RANBP2: variants seen among roughly 807,000 people sequenced by gnomAD.
RANBP2 encodes the protein RAN binding protein 2.
In RANBP2, 57 loss-of-function variants were observed where a neutral mutation model predicts 303.6. The observed-to-expected ratio is 0.19, with a 90% CI of 0.15 to 0.23. RANBP2 has a LOEUF of 0.23. Among genes scored for constraint, RANBP2 ranks in the 10% least tolerant of loss-of-function variants. The probability of loss-of-function intolerance (pLI) is 1.00; values close to 1 mark genes in which losing one functional copy is unlikely to be tolerated. For missense variants in RANBP2, 3,138 were observed against 3,780.8 expected (o/e 0.83, Z 4.46); for synonymous variants, 1,167 against 1,301.5 (o/e 0.90, Z 2.23).
At chr2:109,286,943 C>G in the RANBP2 span, among the ~76,000 whole-genome samples, 1 of 152,126 alleles carries the variant, frequency 6.6e-6, no homozygotes, top group Non-Finnish European at 1.5e-5. Flanking sequence ...ATTTGTGGAC[C>G]CTGCCCAGGT....
chr2:108,724,462 T>C (rs1362621850), intron 1 of RANBP2, among the ~76,000 whole-genome samples: 1 of 151,116 alleles, frequency 6.6e-6, no homozygotes, highest in Admixed American at 6.6e-5. Context: ...TTTGAAATAA[T>C]TTTTTTTTCG....
At chr2:108,842,975 C>T in the RANBP2 span, among the ~76,000 whole-genome samples, 1 of 152,120 alleles carries the variant, frequency 6.6e-6, no homozygotes, top group Non-Finnish European at 1.5e-5. Flanking sequence ...GAGAATGTTA[C>T]CATTTTTGCT....
the RANBP2 span, among the ~76,000 whole-genome samples, chr2:108,841,599 T>G: frequency 6.6e-6 from 1 of 152,190 alleles, no homozygotes; most frequent in African/African-American, 2.4e-5. Flanking sequence ...AATATATCTT[T>G]TCCCAGTCTT....
the RANBP2 span, among the ~76,000 whole-genome samples, chr2:109,527,036 T>C: frequency 7.2e-5 from 11 of 152,206 alleles, no homozygotes; most frequent in African/African-American, 2.7e-4. Context: ...GCTTGACCAA[T>C]TAAATGTCTT....
At chr2:108,772,113 A>G (rs1027575697) in intron 21 of RANBP2, among the ~76,000 whole-genome samples, 7 of 152,240 alleles carry the variant, frequency 4.6e-5, no homozygotes, top group African/African-American at 1.4e-4. Context: ...GGGATTTAAA[A>G]TAATTATAAT....
chr2:109,464,900 CAT>C, the RANBP2 span, among the ~76,000 whole-genome samples: 21 of 152,222 alleles, frequency 1.4e-4, no homozygotes, highest in Admixed American at 4.6e-4. Context: ...TGTATAATGA[CAT>C]GTGTCCAGCA....
At chr2:109,447,196 A>G in the RANBP2 span, among the ~76,000 whole-genome samples, 1 of 151,838 alleles carries the variant, frequency 6.6e-6, no homozygotes, top group African/African-American at 2.4e-5. Flanking sequence ...GAAAACAGAA[A>G]AAAAAAACCC....
chr2:108,813,477 C>T, the RANBP2 span, among the ~76,000 whole-genome samples: 8 of 152,066 alleles, frequency 5.3e-5, no homozygotes, highest in East Asian at 1.9e-4. Flanking sequence ...GTTTCAGGTA[C>T]GTATCATTGA....
chr2:109,177,080 G>A, the RANBP2 span, among the ~76,000 whole-genome samples: 2 of 152,194 alleles, frequency 1.3e-5, no homozygotes, highest in African/African-American at 2.4e-5. Flanking sequence ...TCCAGAGTCT[G>A]AGACAATAAG....
the RANBP2 span, among the ~76,000 whole-genome samples, chr2:109,428,930 G>A: frequency 6.6e-6 from 1 of 152,162 alleles, no homozygotes; most frequent in Non-Finnish European, 1.5e-5. Context: ...CCAGACCCAG[G>A]TGCATGTGTC....
At chr2:108,932,528 CAAA>C in the RANBP2 span, among the ~76,000 whole-genome samples, 36 of 39,154 alleles carry the variant, frequency 9.2e-4, no homozygotes, top group African/African-American at 3.5e-3. Context: ...GACTCTGTCT[CAAA>C]AAAAAAAAAA....
chr2:109,610,380 G>A, the RANBP2 span, among the ~76,000 whole-genome samples: 1 of 151,444 alleles, frequency 6.6e-6, no homozygotes, highest in Non-Finnish European at 1.5e-5. Flanking sequence ...GAGCCACTGC[G>A]CCCAGCCACT....
chr2:109,532,606 T>C, the RANBP2 span, among the ~76,000 whole-genome samples: 1 of 152,020 alleles, frequency 6.6e-6, no homozygotes, highest in African/African-American at 2.4e-5. Context: ...ACTCAATGTG[T>C]CTATAATCTA....
chr2:108,758,580 A>T (rs369794524), intron 18 of RANBP2, 32 bp downstream of exon 18: 53 of 1,610,654 alleles, frequency 3.3e-5, no homozygotes, highest in Non-Finnish European at 7.6e-6. Flanking sequence ...CGCATATTTT[A>T]GTAAAACTAC....
chr2:109,335,526 G>A, the RANBP2 span, among the ~76,000 whole-genome samples: 6 of 152,122 alleles, frequency 3.9e-5, no homozygotes, highest in South Asian at 4.1e-4. Context: ...CGATGATGAC[G>A]TTCTAAGATT....
At chr2:108,828,657 A>G in the RANBP2 span, among the ~76,000 whole-genome samples, 1 of 152,196 alleles carries the variant, frequency 6.6e-6, no homozygotes, top group Admixed American at 6.5e-5. Context: ...CAACAAAATG[A>G]GTATGAGCCT....
intron 9 of RANBP2, 57 bp downstream of exon 9, chr2:108,749,186 T>C (rs1675649493): frequency 1.9e-6 from 3 of 1,610,144 alleles, no homozygotes; most frequent in Non-Finnish European, 2.5e-6. Flanking sequence ...AAATTGCCCA[T>C]AATCTTATTA....
At chr2:109,325,768 G>A in the RANBP2 span, among the ~76,000 whole-genome samples, 1 of 152,220 alleles carries the variant, frequency 6.6e-6, no homozygotes, top group South Asian at 2.1e-4. Flanking sequence ...GGAGTAGTGT[G>A]TAGGGGTTCA....
the RANBP2 span, among the ~76,000 whole-genome samples, chr2:108,932,061 G>A: frequency 6.6e-6 from 1 of 152,046 alleles, no homozygotes. Flanking sequence ...AGCTACCATT[G>A]GTCATGAAAA....
Sources: allele counts gnomAD v4.1 joint callset (sites outside exome capture counted in the v4.1 genomes callset), GRCh38; gene constraint gnomAD v4.1.1; transcripts MANE v1.5; gene names NCBI Gene and HGNC (gene_info 2026-07-23, HGNC 2026-07-21).